KIF6: variants seen among roughly 807,000 people sequenced by gnomAD.
KIF6 encodes the protein kinesin-like protein KIF6.
In KIF6, 106 loss-of-function variants were observed where a neutral mutation model predicts 112.7. The ratio of observed to expected loss-of-function variants is 0.94; its 90% CI spans 0.80 to 1.11. KIF6 has a LOEUF of 1.11. KIF6 is among the 50% of genes least tolerant of loss of function. KIF6 has a pLI of 0.00. For synonymous variants in KIF6, 339 were observed against 339.9 expected (o/e 1.00, Z 0.03); for missense variants, 929 against 964.0 (o/e 0.96, Z 0.48).
intron 9 of KIF6, among the ~76,000 whole-genome samples, chr6:39,584,504 G>A (rs1318603520): frequency 7.2e-6 from 1 of 139,196 alleles, no homozygotes; most frequent in Non-Finnish European, 1.5e-5. Context: ...TATTTTGAAA[G>A]GCTAAGTTCT....
chr6:39,337,245 CT>C (rs1215503100), intron 22 of KIF6, among the ~76,000 whole-genome samples: 2 of 68,782 alleles, frequency 2.9e-5, no homozygotes, highest in African/African-American at 1.1e-4. Context: ...CTTTTTCTTT[CT>C]TTTCTTTCCC....
chr6:39,718,383 G>T (rs2113892702), intron 2 of KIF6: 1 of 152,172 alleles, frequency 6.6e-6, no homozygotes, highest in Middle Eastern at 3.4e-3. Context: ...AGGCCAGCTG[G>T]TAACAAGTCA....
intron 13 of KIF6, among the ~76,000 whole-genome samples, chr6:39,514,400 G>A (rs562115370): frequency 8.7e-4 from 132 of 152,222 alleles, no homozygotes; most frequent in Non-Finnish European, 1.4e-3. Context: ...CCCATCCAGC[G>A]TCCATCAGCA....
chr6:39,448,415 T>A (rs1306091937), intron 13 of KIF6, among the ~76,000 whole-genome samples: 1 of 152,130 alleles, frequency 6.6e-6, no homozygotes, highest in Admixed American at 6.5e-5. Flanking sequence ...CCTCAGGAGA[T>A]CCACCCGCCT....
At chr6:39,544,451 T>C in intron 12 of KIF6, 104 bp downstream of exon 12, 1 of 1,190,604 alleles carries the variant, frequency 8.4e-7, no homozygotes, top group Middle Eastern at 2.0e-4. Context: ...CAATGTGAAA[T>C]GGAAGCTGGG....
chr6:39,553,330 T>C (rs1438108104), intron 10 of KIF6, among the ~76,000 whole-genome samples: 1 of 152,198 alleles, frequency 6.6e-6, no homozygotes, highest in African/African-American at 2.4e-5. Flanking sequence ...ATCTTAGTAA[T>C]GCATATTTCC....
Position 39,336,479 on chromosome 6 carries a change from A to G in KIF6, c.*53T>C. 6.3e-7 allele frequency: 1 copy of G among 1,583,246 alleles called. No individual in the cohort carries two copies. The highest frequency in any genetic ancestry group is 1.1e-5 in the South Asian group (1 of 90,380). On this transcript the variant is annotated 3_prime_UTR_variant, in exon 23 of 23. Transcript: ENST00000287152. ...AGAGCAAGTGAGGGGCGCTGCCTTC[A>G]TCTGTGCTTCATTCTTGCTGGCATA...
chr6:39,672,405 C>A lies in KIF6; in HGVS notation c.252-32648G>T, dbSNP rs748753. 1.3e-5 allele frequency among the ~76,000 whole-genome samples: 2 copies of A among 152,270 alleles called. 1 individual carries two copies. Among genetic ancestry groups the A allele is most frequent in the South Asian group, 4.1e-4 (2 of 4,828 alleles). ...TTTGAGGACTTAATGAATACTACTA[C>A]TAATAATATAACAATTATTTGTTGA... On this transcript the variant is annotated intron_variant, in intron 3 of 22. Transcript: ENST00000287152.
At chr6:39,504,810 T>C (rs935179689) in intron 13 of KIF6, among the ~76,000 whole-genome samples, 3 of 152,250 alleles carry the variant, frequency 2.0e-5, no homozygotes, top group Middle Eastern at 3.4e-3. Context: ...AAGGACCTCT[T>C]TGAGGAGAAC....
chr6:39,638,864 GT>G (rs1784761990), intron 4 of KIF6, among the ~76,000 whole-genome samples: 3 of 152,026 alleles, frequency 2.0e-5, no homozygotes. Flanking sequence ...CGGGGAATTT[GT>G]TTGAACATAA....
intron 6 of KIF6, among the ~76,000 whole-genome samples, chr6:39,610,236 A>C (rs1441841390): frequency 6.6e-6 from 1 of 152,226 alleles, no homozygotes. Flanking sequence ...CAACTTAAAA[A>C]AAAATTTATC....
chr6:39,510,180 G>A (rs1250773204), intron 13 of KIF6, among the ~76,000 whole-genome samples: 3 of 149,174 alleles, frequency 2.0e-5, no homozygotes, highest in African/African-American at 5.0e-5. Context: ...TGCAAGCTCC[G>A]CCTTCCGGGT....
At chr6:39,717,693 A>G (rs947938815) in intron 2 of KIF6, among the ~76,000 whole-genome samples, 3 of 152,166 alleles carry the variant, frequency 2.0e-5, no homozygotes, top group East Asian at 3.9e-4. Flanking sequence ...TCCCTGCTGT[A>G]TTCCTAGCAA....
intron 2 of KIF6, among the ~76,000 whole-genome samples, chr6:39,717,701 C>G (rs1176485537): frequency 1.3e-5 from 2 of 152,040 alleles, no homozygotes; most frequent in African/African-American, 4.8e-5. Flanking sequence ...GTATTCCTAG[C>G]AATTAAAACA....
chr6:39,337,189 T>TTCCTTCTTTCTTTCTTTCTTTCTTTC (rs1342765628), intron 22 of KIF6, among the ~76,000 whole-genome samples: 3 of 97,084 alleles, frequency 3.1e-5, no homozygotes, highest in African/African-American at 2.1e-4. Context: ...CTTTCTTTCT[T>TTCCTTCTTTCTTTCTTTCTTTCTTTC]TCTTTCTTTC....
At chr6:39,636,575 G>A (rs1275876197) in intron 4 of KIF6, among the ~76,000 whole-genome samples, 1 of 151,916 alleles carries the variant, frequency 6.6e-6, no homozygotes, top group Non-Finnish European at 1.5e-5. Flanking sequence ...AAAAGACTTG[G>A]TGTGGCTGTT....
At chr6:39,709,213 C>G (rs1270912043) in intron 3 of KIF6, among the ~76,000 whole-genome samples, 1 of 152,178 alleles carries the variant, frequency 6.6e-6, no homozygotes, top group Non-Finnish European at 1.5e-5. Context: ...TACATGCAGT[C>G]CTATACAGCT....
chr6:39,589,327 T>A (rs1478699322), intron 7 of KIF6, among the ~76,000 whole-genome samples: 1 of 152,248 alleles, frequency 6.6e-6, no homozygotes, highest in Non-Finnish European at 1.5e-5. Flanking sequence ...TTATTTTTCT[T>A]ATACTACTTA....
intron 3 of KIF6, among the ~76,000 whole-genome samples, chr6:39,708,883 C>A (rs1182771810): frequency 1.4e-4 from 21 of 148,186 alleles, no homozygotes; most frequent in Non-Finnish European, 1.6e-4. Flanking sequence ...TTGAGAAGCA[C>A]AACACTAGAT....
Sources: gnomAD v4.1 joint callset for allele counts (sites outside exome capture counted in the v4.1 genomes callset) on GRCh38, gnomAD v4.1.1 for gene constraint, MANE v1.5 for transcripts, NCBI Gene and HGNC (gene_info 2026-07-23, HGNC 2026-07-21) for gene names.